LRRC4C: variants seen among roughly 807,000 people sequenced by gnomAD.
LRRC4C encodes the protein leucine rich repeat containing 4C.
Under a neutral mutation model 33.6 loss-of-function variants are expected in LRRC4C, and 5 were observed. That is an observed-to-expected ratio of 0.15 (90% CI 0.08 to 0.31). The LOEUF is 0.31. Among genes scored for constraint, LRRC4C ranks in the 10% least tolerant of loss-of-function variants. The pLI is 1.00. For missense variants in LRRC4C, 560 were observed against 796.7 expected (o/e 0.70, Z 3.58); for synonymous variants, 329 against 302.0 (o/e 1.09, Z -0.93).
chr11:41,192,758 G>A (rs900566452), intron 1 of LRRC4C, among the ~76,000 whole-genome samples: 9 of 152,072 alleles, frequency 5.9e-5, no homozygotes, highest in Admixed American at 4.6e-4. Flanking sequence ...TAAATCCAAA[G>A]TAAGGTTAAG....
chr11:40,444,147 C>T (rs74453107), intron 3 of LRRC4C, among the ~76,000 whole-genome samples: 355 of 152,120 alleles, frequency 2.3e-3, no homozygotes, highest in African/African-American at 7.9e-3. Context: ...TCTAGTCTTT[C>T]TGTCCACATG....
At chr11:40,634,795 G>A (rs56290843) in intron 3 of LRRC4C, among the ~76,000 whole-genome samples, 1,981 of 151,650 alleles carry the variant, frequency 0.013, 18 homozygotes, top group South Asian at 0.025. Context: ...GGCAGGTGGC[G>A]GGGGGTGTTG....
At chr11:40,962,505 AAT>A (rs1381062845) in intron 1 of LRRC4C, among the ~76,000 whole-genome samples, 1 of 151,750 alleles carries the variant, frequency 6.6e-6, no homozygotes, top group Non-Finnish European at 1.5e-5. Flanking sequence ...TATTGTAATA[AAT>A]AACTATCTTC....
At chr11:40,977,701 C>T (rs1173679935) in intron 1 of LRRC4C, among the ~76,000 whole-genome samples, 1 of 152,168 alleles carries the variant, frequency 6.6e-6, no homozygotes, top group Non-Finnish European at 1.5e-5. Flanking sequence ...TGCTTTATAG[C>T]TTTATTTGAC....
chr11:40,502,917 C>T (rs528270536), intron 3 of LRRC4C, among the ~76,000 whole-genome samples: 13 of 152,170 alleles, frequency 8.5e-5, no homozygotes, highest in East Asian at 5.8e-4. Flanking sequence ...GAAGCATTCT[C>T]GCTTTGGCAA....
intron 1 of LRRC4C, among the ~76,000 whole-genome samples, chr11:41,312,733 C>A (rs1050412563): frequency 1.3e-5 from 2 of 152,186 alleles, no homozygotes; most frequent in Non-Finnish European, 2.9e-5. Flanking sequence ...CCTCATTGGT[C>A]ACCATGGGCC....
intron 4 of LRRC4C, among the ~76,000 whole-genome samples, chr11:40,271,562 A>G (rs550813184): frequency 1.3e-5 from 2 of 152,304 alleles, no homozygotes; most frequent in African/African-American, 2.4e-5. Flanking sequence ...GTGCTCAGTT[A>G]TTGGCTCTGG....
At chr11:40,148,081 T>C (rs1857894294) in intron 5 of LRRC4C, among the ~76,000 whole-genome samples, 2 of 152,338 alleles carry the variant, frequency 1.3e-5, no homozygotes, top group South Asian at 2.1e-4. Flanking sequence ...TAGTATTCTA[T>C]GGTATATATG....
At position 41,408,109 on chromosome 11, in the gene LRRC4C, G is replaced by A. The variant is rs1033567644; in HGVS notation, c.-496+51322C>T. Among the ~76,000 whole-genome samples the A allele has an allele frequency of 2.6e-5, 4 of 152,156 alleles. No individual in the cohort carries two copies. In the East Asian group the frequency reaches 7.7e-4, roughly 29 times the overall value. On this transcript the variant is annotated intron_variant, in intron 1 of 6. Transcript: ENST00000528697. The stretch of plus-strand genomic sequence containing the variant: ...ATTAGTCTCAATTTACAATTGAAAA[G>A]CAGAAGGTCAGAGAGGTTACAAGAT...
intron 1 of LRRC4C, among the ~76,000 whole-genome samples, chr11:41,198,381 C>T (rs975624378): frequency 5.9e-5 from 9 of 151,874 alleles, no homozygotes; most frequent in Non-Finnish European, 1.2e-4. Flanking sequence ...AAATTATCTC[C>T]TTTTTTCAGA....
At chr11:40,899,664 G>A (rs4262716) in intron 2 of LRRC4C, among the ~76,000 whole-genome samples, 133,680 of 152,182 alleles carry the variant, frequency 0.88, 59,080 homozygotes, top group Non-Finnish European at 0.93. Flanking sequence ...GCACAAGAAG[G>A]CTGCATGGTG....
chr11:40,404,060 C>A (rs1949866731), intron 3 of LRRC4C, among the ~76,000 whole-genome samples: 1 of 152,288 alleles, frequency 6.6e-6, no homozygotes, highest in Non-Finnish European at 1.5e-5. Flanking sequence ...TCAAAGTAAG[C>A]ATGACATACA....
intron 2 of LRRC4C, among the ~76,000 whole-genome samples, chr11:40,693,226 T>A (rs1195988044): frequency 6.6e-6 from 1 of 151,966 alleles, no homozygotes; most frequent in East Asian, 1.9e-4. Flanking sequence ...CATAAAGAAG[T>A]GAGATAGATA....
intron 2 of LRRC4C, among the ~76,000 whole-genome samples, chr11:40,819,652 C>G (rs1043064781): frequency 1.3e-5 from 2 of 151,932 alleles, no homozygotes; most frequent in Non-Finnish European, 1.5e-5. Flanking sequence ...CTGGTCAACC[C>G]AGAAGCTGTG....
intron 5 of LRRC4C, among the ~76,000 whole-genome samples, chr11:40,209,347 A>G (rs576684204): frequency 2.2e-4 from 33 of 152,216 alleles, no homozygotes; most frequent in Non-Finnish European, 3.4e-4. Flanking sequence ...ATAGTAAACA[A>G]TGCAGAAGAT....
intron 3 of LRRC4C, among the ~76,000 whole-genome samples, chr11:40,373,496 A>G (rs561618062): frequency 1.8e-4 from 28 of 152,322 alleles, no homozygotes; most frequent in South Asian, 1.0e-3. Context: ...TAGGAAATGA[A>G]CAATAAATTT....
At chr11:41,242,124 C>T (rs752109315) in intron 1 of LRRC4C, among the ~76,000 whole-genome samples, 2 of 151,966 alleles carry the variant, frequency 1.3e-5, no homozygotes, top group Non-Finnish European at 2.9e-5. Context: ...TTTTGCAAGC[C>T]ATTCCACTTA....
chr11:40,179,912 T>A (rs1296189826), intron 5 of LRRC4C, among the ~76,000 whole-genome samples: 1 of 152,234 alleles, frequency 6.6e-6, no homozygotes, highest in African/African-American at 2.4e-5. Flanking sequence ...CATGTACGTG[T>A]GTGTGTGTCC....
chr11:41,170,568 C>G (rs1944929388), intron 1 of LRRC4C, among the ~76,000 whole-genome samples: 3 of 152,168 alleles, frequency 2.0e-5, no homozygotes, highest in African/African-American at 7.2e-5. Flanking sequence ...AAAGCTGAAA[C>G]TGGATCCCTT....
Sources: gnomAD v4.1 joint callset for allele counts (sites outside exome capture counted in the v4.1 genomes callset) on GRCh38, gnomAD v4.1.1 for gene constraint, MANE v1.5 for transcripts, NCBI Gene and HGNC (gene_info 2026-07-23, HGNC 2026-07-21) for gene names.